Variants in PDE3A observed in about 807,000 individuals in gnomAD.
PDE3A encodes cGMP-inhibited 3',5'-cyclic phosphodiesterase 3A.
In PDE3A, 43 loss-of-function variants were observed where a neutral mutation model predicts 98.3. That is an observed-to-expected ratio of 0.44 (90% CI 0.34 to 0.56). The LOEUF (loss-of-function observed/expected upper bound fraction) is 0.56, where lower values mean the gene tolerates loss of function less well. Ranked by LOEUF, PDE3A falls within the 20% of genes least tolerant of loss-of-function variation. The pLI, the probability that PDE3A is intolerant of heterozygous loss-of-function variation, is 0.01. For missense variants in PDE3A, 1,427 were observed against 1,440.7 expected, an observed-to-expected ratio of 0.99 and a Z score of 0.15; for synonymous variants, 663 against 567.9, an observed-to-expected ratio of 1.17 and a Z score of -2.38.
chr12:20,660,880 A>C (rs1365464982), intron 15 of PDE3A, among the ~76,000 whole-genome samples: 1 of 152,102 alleles, frequency 6.6e-6, no homozygotes, highest in Non-Finnish European at 1.5e-5. Flanking sequence ...GTACTGGTAG[A>C]GTTGGGTGCT....
chr12:20,416,162 T>C (rs574564454), intron 1 of PDE3A, among the ~76,000 whole-genome samples: 1 of 152,260 alleles, frequency 6.6e-6, no homozygotes, highest in South Asian at 2.1e-4. Flanking sequence ...TGCATGAAAA[T>C]TTCCCAAGTT....
intron 1 of PDE3A, among the ~76,000 whole-genome samples, chr12:20,506,126 G>GTGTGTGTA (rs1435336754): frequency 3.4e-5 from 5 of 148,578 alleles, no homozygotes; most frequent in Admixed American, 1.3e-4. Context: ...GTGTGTGTGT[G>GTGTGTGTA]TGTATGTGTG....
At chr12:20,616,439 A>G (rs1565450861) in intron 4 of PDE3A, 55 bp downstream of exon 4, 4 of 1,536,558 alleles carry the variant, frequency 2.6e-6, no homozygotes, top group African/African-American at 1.4e-5. Flanking sequence ...CTTGCCAAAA[A>G]TGAGTTATAA....
chr12:20,393,742 G>A (rs1320880140), intron 1 of PDE3A, among the ~76,000 whole-genome samples: 3 of 152,026 alleles, frequency 2.0e-5, no homozygotes, highest in Non-Finnish European at 1.5e-5. Context: ...TTAACATAAG[G>A]TGGCACCGTT....
At chr12:20,442,508 G>T (rs1288645765) in intron 1 of PDE3A, among the ~76,000 whole-genome samples, 2 of 152,278 alleles carry the variant, frequency 1.3e-5, no homozygotes, top group South Asian at 2.1e-4. Flanking sequence ...CATACCACTT[G>T]TTCATGCATT....
intron 5 of PDE3A, among the ~76,000 whole-genome samples, chr12:20,623,148 G>C (rs1944176875): frequency 1.3e-5 from 2 of 152,068 alleles, no homozygotes; most frequent in East Asian, 1.9e-4. Flanking sequence ...ATTAAACTGG[G>C]TAGAGAAAGA....
intron 14 of PDE3A, among the ~76,000 whole-genome samples, chr12:20,652,428 C>A (rs986245601): frequency 7.2e-5 from 11 of 152,114 alleles, no homozygotes; most frequent in Non-Finnish European, 1.0e-4. Context: ...TCTCCAGCAC[C>A]TGTTGTTTCC....
chr12:20,668,252 G>T (rs1230791979), intron 15 of PDE3A, among the ~76,000 whole-genome samples: 1 of 152,368 alleles, frequency 6.6e-6, no homozygotes, highest in African/African-American at 2.4e-5. Context: ...CAAACTGCAA[G>T]GCGGCAGTGA....
At chr12:20,559,687 C>T (rs1311686710) in intron 2 of PDE3A, among the ~76,000 whole-genome samples, 3 of 151,078 alleles carry the variant, frequency 2.0e-5, no homozygotes, top group Non-Finnish European at 4.4e-5. Context: ...AAAAAGACTG[C>T]ATATATACAA....
chr12:20,629,869 A>C, intron 5 of PDE3A, 39 bp from the exon 6 acceptor site: 1 of 1,490,962 alleles, frequency 6.7e-7, no homozygotes, highest in Non-Finnish European at 9.4e-7. Flanking sequence ...TGCATTTTAA[A>C]GACATTTGTT....
chr12:20,555,566 A>G (rs894437420), intron 1 of PDE3A, among the ~76,000 whole-genome samples: 3 of 152,170 alleles, frequency 2.0e-5, no homozygotes, highest in Non-Finnish European at 2.9e-5. Context: ...GACATAACTG[A>G]TTATATATGT....
At chr12:20,418,947 CTT>C (rs1202999674) in intron 1 of PDE3A, among the ~76,000 whole-genome samples, 1 of 152,000 alleles carries the variant, frequency 6.6e-6, no homozygotes, top group Non-Finnish European at 1.5e-5. Flanking sequence ...GTAATTCTCT[CTT>C]GTTAGGCTTG....
At chr12:20,453,866 T>C (rs1420179835) in intron 1 of PDE3A, among the ~76,000 whole-genome samples, 3 of 152,208 alleles carry the variant, frequency 2.0e-5, no homozygotes, top group Non-Finnish European at 4.4e-5. Context: ...GTTACCATCA[T>C]CTGTTGCCGG....
intron 2 of PDE3A, among the ~76,000 whole-genome samples, chr12:20,577,142 C>T (rs571451189): frequency 1.3e-5 from 2 of 151,788 alleles, no homozygotes; most frequent in African/African-American, 2.4e-5. Context: ...CACCCCCAAA[C>T]AAGGAATTAC....
chr12:20,446,412 G>T (rs1398834632), intron 1 of PDE3A, among the ~76,000 whole-genome samples: 2 of 152,128 alleles, frequency 1.3e-5, no homozygotes, highest in African/African-American at 4.8e-5. Flanking sequence ...TTCATTATGT[G>T]TTAGATTTCA....
chr12:20,489,300 G>A (rs1174353128), intron 1 of PDE3A, among the ~76,000 whole-genome samples: 1 of 152,194 alleles, frequency 6.6e-6, no homozygotes, highest in African/African-American at 2.4e-5. Context: ...TGAAGACTGA[G>A]TCTGGCTGTG....
intron 8 of PDE3A, among the ~76,000 whole-genome samples, chr12:20,635,390 G>A (rs941857004): frequency 1.3e-5 from 2 of 152,118 alleles, no homozygotes; most frequent in African/African-American, 2.4e-5. Context: ...CCAACATGGT[G>A]AAACCCCGTC....
At chr12:20,404,275 G>A (rs1393871622) in intron 1 of PDE3A, among the ~76,000 whole-genome samples, 1 of 151,922 alleles carries the variant, frequency 6.6e-6, no homozygotes, top group Non-Finnish European at 1.5e-5. Context: ...TCTCAGGGGG[G>A]ATATATTATT....
rs778675862 is a variant in PDE3A at position 20,662,368 on chromosome 12, T to C, written c.3184+8163T>C. On this transcript the variant is annotated intron_variant, in intron 15 of 15. Transcript: ENST00000359062. ...AGAACTGGAGTAAAAGTCACTCTTGTTTTGCTTACCCTGCAGAGCCACAGG... is the reference window on the plus strand; with the variant it reads ...AGAACTGGAGTAAAAGTCACTCTTGCTTTGCTTACCCTGCAGAGCCACAGG... Among the ~76,000 whole-genome samples the C allele has an allele frequency of 8.0e-5, 12 of 150,632 alleles. 1 individual carries two copies. The highest frequency in any genetic ancestry group is 1.2e-4 in the African/African-American group (5 of 40,922).
Sources: gnomAD v4.1 joint callset for allele counts (sites outside exome capture counted in the v4.1 genomes callset) on GRCh38, gnomAD v4.1.1 for gene constraint, MANE v1.5 for transcripts, NCBI Gene and HGNC (gene_info 2026-07-23, HGNC 2026-07-21) for gene names.